The following ITGB4 variants were observed in gnomAD, a reference collection of about 807,000 sequenced individuals.
The protein encoded by ITGB4 is integrin beta-4.
Under a neutral mutation model 207.6 loss-of-function variants are expected in ITGB4, and 159 were observed. The ratio of observed to expected loss-of-function variants is 0.77; its 90% CI spans 0.67 to 0.87. The LOEUF is 0.87. ITGB4 is among the 40% of genes least tolerant of loss of function. The probability of loss-of-function intolerance (pLI) is 0.00; values close to 1 mark genes in which losing one functional copy is unlikely to be tolerated. For missense variants in ITGB4, 2,278 were observed against 2,546.8 expected (o/e 0.89, Z 2.27); for synonymous variants, 1,020 against 1,062.7 (o/e 0.96, Z 0.78).
At chr17:75,756,163 G>A (rs2061495943) in intron 35 of ITGB4, among the ~76,000 whole-genome samples, 1 of 152,188 alleles carries the variant, frequency 6.6e-6, no homozygotes, top group Admixed American at 6.5e-5. Flanking sequence ...ACAAGGAAGT[G>A]GCACTTCCCT....
At chr17:75,733,804 C>A in intron 13 of ITGB4, 112 bp downstream of exon 13, 1 of 1,215,574 alleles carries the variant, frequency 8.2e-7, no homozygotes, top group Non-Finnish European at 1.2e-6. Context: ...TCAGAATCCC[C>A]AAGTTCAGGC....
chr17:75,754,067 C>G, intron 33 of ITGB4, 93 bp downstream of exon 33: 1 of 569,020 alleles, frequency 1.8e-6, no homozygotes, highest in Non-Finnish European at 2.7e-6. Context: ...GCCTCGGGGG[C>G]CCCAGTTTCA....
rs1403809180 is a variant in ITGB4 at position 75,747,307 on chromosome 17, C to T, written c.3112-1534C>T. 2.6e-5 allele frequency among the ~76,000 whole-genome samples: 4 copies of T among 152,042 alleles called. No homozygotes were observed. The East Asian group carries it at 7.8e-4, about 30-fold the overall frequency. ...CAGCCTGACCAACATGGAGAAACCC[C>T]ATCTCTACTAAAAATACAAAAATTA... On this transcript the variant is annotated intron_variant, in intron 26 of 39. Coordinates refer to ENST00000200181, the MANE Select transcript of ITGB4 (RefSeq NM_000213.5).
At position 75,750,140 on chromosome 17, in the gene ITGB4, ATGT is replaced by A; in HGVS notation, c.3350_3352del (p.Leu1117del). 1 of 1,613,710 alleles carries A rather than the reference ATGT, an allele frequency of 6.2e-7. No individual in the cohort carries two copies. Among genetic ancestry groups the A allele is most frequent in the Non-Finnish European group, 8.5e-7 (1 of 1,180,002 alleles). On this transcript the variant is annotated inframe_deletion, in exon 28 of 40. Transcript: ENST00000200181. The surrounding 1 kb of genome is among the most constrained non-coding windows in gnomAD (Gnocchi z 5.5). ...ACTGGACCGGAGCTTCACGAGTCAG[ATGT>A]TGTCATCACAGCCACCCCCTCACGG...
Position 75,755,821 on chromosome 17 carries a change from A to G in ITGB4, c.4679A>G (p.Tyr1560Cys). The change falls in exon 35 of 40, where the codon TAC becomes TGC. Residue 1560 changes from tyrosine (Y) to cysteine (C), a missense_variant. Coordinates refer to ENST00000200181, the MANE Select transcript of ITGB4 (RefSeq NM_000213.5). ...CGGTGCGAGCGGCCGCTGCAGGGCT[A>G]CAGTGTGGAGTACCAGCTGCTGAAC... ...EPRCERPLQG[Y>C]SVEYQLLNGG... is the part of the protein sequence containing the mutation. 2.5e-6 allele frequency: 4 copies of G among 1,607,894 alleles called. No homozygotes were observed. Among genetic ancestry groups the G allele is most frequent in the Non-Finnish European group, 3.4e-6 (4 of 1,179,776 alleles).
At position 75,733,567 on chromosome 17, in the gene ITGB4, C is replaced by T. The variant is rs1269483407; in HGVS notation, c.1532C>T (p.Pro511Leu). The change falls in exon 13 of 40, where the codon CCG (proline) becomes CTG (leucine). Residue 511 changes from proline (P) to leucine (L), a missense_variant. Physicochemically the swap from Pro to Leu is moderately conservative, Grantham distance 98. Coordinates refer to ENST00000200181, the MANE Select transcript of ITGB4 (RefSeq NM_000213.5). ...TGCCTGCGGGAGGGCGAGGACAAGCCGTGCTCCGGCCGTGGGGAGTGCCAG... is the reference window on the plus strand; with the variant it reads ...TGCCTGCGGGAGGGCGAGGACAAGCTGTGCTCCGGCCGTGGGGAGTGCCAG... ...QPCLREGEDK[P>L]CSGRGECQCG... 5 of 1,614,072 alleles carry T rather than the reference C, an allele frequency of 3.1e-6. No individual in the cohort carries two copies. The highest frequency in any genetic ancestry group is 3.3e-5 in the Admixed American group (2 of 60,032).
intron 2 of ITGB4, among the ~76,000 whole-genome samples, chr17:75,726,358 C>G (rs114287005): frequency 6.6e-6 from 1 of 152,000 alleles, no homozygotes; most frequent in African/African-American, 2.4e-5. Context: ...CCCAGGATGT[C>G]GAGACTGCAG....
intron 27 of ITGB4, among the ~76,000 whole-genome samples, chr17:75,749,797 G>A (rs1316080756): frequency 1.3e-5 from 2 of 152,200 alleles, no homozygotes; most frequent in Non-Finnish European, 2.9e-5. Flanking sequence ...GAGATACTCA[G>A]GGTACAGTGT....
intron 18 of ITGB4, 45 bp downstream of exon 18, chr17:75,737,689 C>T: frequency 6.6e-7 from 1 of 1,522,278 alleles, no homozygotes. Flanking sequence ...CCCAGGGTCC[C>T]CACCCCAACA....
In ITGB4 at chr17:75,730,318, T is replaced by C. The variant is rs752868516; in HGVS notation, c.816T>C (p.Asp272=). 3.7e-6 allele frequency: 6 copies of C among 1,613,746 alleles called. No individual in the cohort carries two copies. The East Asian group carries it at 6.7e-5, about 18-fold the overall frequency. ...AGTCAGCCTTCCACTATGAGGCTGATGGCGCCAACGTGCTGGCTGGCATCA... is the reference window on the plus strand; with the variant it reads ...AGTCAGCCTTCCACTATGAGGCTGACGGCGCCAACGTGCTGGCTGGCATCA... The part of the protein sequence containing the change: ...STESAFHYEA[D]GANVLAGIMS... The change falls in exon 8 of 40, where the codon GAT becomes GAC. Residue 272 remains aspartate, a synonymous_variant. Transcript: ENST00000200181.
chr17:75,726,726 G>T (rs994912252), intron 2 of ITGB4, among the ~76,000 whole-genome samples: 1 of 145,194 alleles, frequency 6.9e-6, no homozygotes, highest in Admixed American at 6.9e-5. Flanking sequence ...AGCAAGACTC[G>T]TCTGAAAAAT....
At chr17:75,746,085 T>C (rs1369203064) in intron 26 of ITGB4, among the ~76,000 whole-genome samples, 3 of 152,104 alleles carry the variant, frequency 2.0e-5, no homozygotes, top group Admixed American at 6.5e-5. Flanking sequence ...AGAATAATTT[T>C]TTTCTTTTAA....
rs2584105 is a variant in ITGB4 at position 75,732,475 on chromosome 17, G to A, written c.1454+236G>A. On this transcript the variant is annotated intron_variant, in intron 12 of 39. Coordinates refer to ENST00000200181, the MANE Select transcript of ITGB4 (RefSeq NM_000213.5). This position sits in a 1 kb window ranked among gnomAD's most constrained non-coding sequence, Gnocchi z 5.3. The stretch of plus-strand genomic sequence containing the variant: ...TAGAAAGAGGTGTGAGGATTGAGAC[G>A]GGGTTGGCTGTTGGGGCTGGGGTCT... Among the ~76,000 whole-genome samples the A allele has an allele frequency of 4.6e-5, 7 of 152,156 alleles. No individual in the cohort carries two copies. Among genetic ancestry groups the A allele is most frequent in the African/African-American group, 1.7e-4 (7 of 41,440 alleles).
At chr17:75,748,652 AGAGT>A (rs1378672365) in intron 26 of ITGB4, among the ~76,000 whole-genome samples, 185 bp from the exon 27 acceptor site, 1 of 151,932 alleles carries the variant, frequency 6.6e-6, no homozygotes, top group Admixed American at 6.6e-5. Context: ...CCTAGGTGAC[AGAGT>A]GAGATTACGC....
At chr17:75,723,830 T>C (rs116374012) in intron 1 of ITGB4, among the ~76,000 whole-genome samples, 2,512 of 152,370 alleles carry the variant, frequency 0.016, 63 homozygotes, top group African/African-American at 0.057. Flanking sequence ...TGCCCCGGCC[T>C]TGCAGGCCTG....
Position 75,756,438 on chromosome 17 carries a change from A to G in ITGB4, c.4718A>G (p.His1573Arg), listed in dbSNP as rs2061504716. 2.5e-6 allele frequency: 4 copies of G among 1,613,218 alleles called. No homozygotes were observed. The highest frequency in any genetic ancestry group is 2.2e-5 in the East Asian group (1 of 44,870). The change falls in exon 36 of 40, where the codon CAT (histidine) becomes CGT (arginine). Residue 1573 changes from histidine (H) to arginine (R), a missense_variant. His to Arg is a conservative substitution (Grantham distance 29, BLOSUM62 0). Coordinates refer to ENST00000200181, the MANE Select transcript of ITGB4 (RefSeq NM_000213.5). ...EYQLLNGGEL[H>R]RLNIPNPAQT... ...CACCTGATCCCCCCAGGTGAGCTGC[A>G]TCGGCTCAACATCCCCAACCCTGCC... is the stretch of plus-strand genomic sequence containing the variant.
rs1397348268 is a variant in ITGB4, at chr17:75,757,583, C to CCCACTAGG, written c.*30_*37dup. On this transcript the variant is annotated 3_prime_UTR_variant, in exon 40 of 40. Transcript: ENST00000200181. Reference sequence around the variant, plus strand: ...GCACCCTGCCCCACCCCCGCCACGTCCCACTAGGCGTCCTCCCGACTCCTC... The same window carrying CCCACTAGG: ...GCACCCTGCCCCACCCCCGCCACGTCCCACTAGGCCACTAGGCGTCCTCCCGACTCCTC... 6.8e-6 allele frequency: 11 copies of CCCACTAGG among 1,612,876 alleles called. No homozygotes were observed. The highest frequency in any genetic ancestry group is 8.5e-6 in the Non-Finnish European group (10 of 1,179,576).
chr17:75,746,402 T>G (rs1385783775), intron 26 of ITGB4: 1 of 151,920 alleles, frequency 6.6e-6, no homozygotes, highest in African/African-American at 2.4e-5. Context: ...CCAGCTAAAT[T>G]TTGTATTTTT....
At position 75,752,205 on chromosome 17, in the gene ITGB4, T is replaced by C. The variant is rs2143407710; in HGVS notation, c.3825T>C (p.Val1275=). Residue 1275 remains valine, a synonymous_variant, in exon 31 of 40, where the codon GTT becomes GTC. Transcript: ENST00000200181. ...TTGGGCCCATGAAGAAAGTGCTGGT[T>C]GACAACCCTAAGAACCGGATGCTGC... ...RPIGPMKKVL[V]DNPKNRMLLI... is the part of the protein sequence containing the mutation. The C allele has an allele frequency of 1.9e-6, 3 of 1,613,960 alleles. No individual in the cohort carries two copies. The East Asian group carries it at 6.7e-5, about 36-fold the overall frequency.
Sources: allele counts gnomAD v4.1 joint callset (sites outside exome capture counted in the v4.1 genomes callset), GRCh38; gene constraint gnomAD v4.1.1; non-coding constraint Gnocchi (gnomAD v3.1); transcripts MANE v1.5; gene names NCBI Gene and HGNC (gene_info 2026-07-23, HGNC 2026-07-21).